The following SCN3B variants were observed in gnomAD, a reference collection of about 807,000 sequenced individuals.
SCN3B encodes sodium voltage-gated channel beta subunit 3.
A neutral mutation model predicts 25.4 loss-of-function variants in SCN3B; 11 were observed. The ratio of observed to expected loss-of-function variants is 0.43; its 90% CI spans 0.27 to 0.72. The LOEUF is 0.72. Among genes scored for constraint, SCN3B ranks in the 30% least tolerant of loss-of-function variants. SCN3B has a pLI of 0.18. For synonymous variants in SCN3B, 109 were observed against 110.7 expected (o/e 0.99, Z 0.09); for missense variants, 218 against 278.3 (o/e 0.78, Z 1.54).
At chr11:123,646,671 T>C (rs923894790) in intron 2 of SCN3B, among the ~76,000 whole-genome samples, 2 of 152,176 alleles carry the variant, frequency 1.3e-5, no homozygotes, top group Non-Finnish European at 2.9e-5. Context: ...TCTAGAAACT[T>C]GAAGTCTGTT....
chr11:123,634,714 G>A (rs1168038407), intron 5 of SCN3B, among the ~76,000 whole-genome samples: 2 of 152,196 alleles, frequency 1.3e-5, no homozygotes, highest in Non-Finnish European at 2.9e-5. Flanking sequence ...CCTGGCAACA[G>A]TGAGACCATG....
chr11:123,636,944 G>T (rs1246992598), intron 5 of SCN3B, among the ~76,000 whole-genome samples: 1 of 152,026 alleles, frequency 6.6e-6, no homozygotes, highest in African/African-American at 2.4e-5. Context: ...TGCCTGCCTC[G>T]ACCTCCCAAA....
At chr11:123,639,867 C>T (rs1173177489) in intron 4 of SCN3B, 1 of 152,174 alleles carries the variant, frequency 6.6e-6, no homozygotes, top group Non-Finnish European at 1.5e-5. Flanking sequence ...TTATTTGTTT[C>T]ATGATCAACA....
At chr11:123,646,328 G>A (rs577960887) in intron 2 of SCN3B, among the ~76,000 whole-genome samples, 14 of 152,336 alleles carry the variant, frequency 9.2e-5, no homozygotes, top group Admixed American at 2.0e-4. Flanking sequence ...TTGGCCTGGG[G>A]AGAAAGGAAG....
chr11:123,642,697 T>C lies in SCN3B; in HGVS notation c.220-26A>G. On this transcript the variant is annotated intron_variant, in intron 3 of 6. Coordinates refer to ENST00000299333, the MANE Select transcript of SCN3B (RefSeq NM_001040151.2). The surrounding 1 kb of genome is among the most constrained non-coding windows in gnomAD (Gnocchi z 4.3). The stretch of plus-strand genomic sequence containing the variant: ...CTGCAGATAGAGGAGCAGAAGAGGG[T>C]AGGGCCAGGAAAGGAGATGGCAGTG... 6.3e-7 allele frequency: 1 copy of C among 1,589,060 alleles called. No homozygotes were observed. Among genetic ancestry groups the C allele is most frequent in the South Asian group, 1.1e-5 (1 of 90,470 alleles).
intron 3 of SCN3B, 109 bp downstream of exon 3, chr11:123,645,478 A>G: frequency 8.9e-7 from 1 of 1,120,622 alleles, no homozygotes; most frequent in Non-Finnish European, 1.4e-6. Context: ...AGTGTTTGGA[A>G]GAGAAGGAGC....
rs1184282307 is a variant in SCN3B, at chr11:123,630,294, A to C, written c.*3505T>G. The C allele has an allele frequency of 6.5e-6, 1 of 152,748 alleles. No homozygotes were observed. Among genetic ancestry groups the C allele is most frequent in the East Asian group, 1.9e-4 (1 of 5,194 alleles). The allele number at this position is 152,748 out of a possible 1,614,324, so 9.5% of individuals were successfully genotyped here. A position where few individuals can be genotyped will look rare whatever the true frequency, so the allele number is the denominator to read the frequency against. On this transcript the variant is annotated 3_prime_UTR_variant, in exon 7 of 7. Coordinates refer to ENST00000299333, the MANE Select transcript of SCN3B (RefSeq NM_001040151.2). The stretch of plus-strand genomic sequence containing the variant: ...AGGTGACAGTGAAGGTCAGCAGGGC[A>C]AGGTGCTCTCAGGGCCAACTGGATT...
intron 5 of SCN3B, among the ~76,000 whole-genome samples, chr11:123,637,485 A>G (rs1202017017): frequency 1.3e-5 from 2 of 152,146 alleles, no homozygotes; most frequent in African/African-American, 4.8e-5. Flanking sequence ...TGGCATTTAC[A>G]GAACGGTTAT....
chr11:123,634,176 G>A lies in SCN3B; in HGVS notation c.615C>T (p.Asn205=). 5 of 1,613,816 alleles carry A rather than the reference G, an allele frequency of 3.1e-6. No homozygotes were observed. The highest frequency in any genetic ancestry group is 3.4e-6 in the Non-Finnish European group (4 of 1,179,874). The change falls in exon 6 of 7, where the codon AAC becomes AAT. Residue 205 remains asparagine (N), a synonymous_variant. Transcript: ENST00000299333. ...CCACTGGTACCGCAGAGTTCTCCTTGTTCTCAGATGGGATGGCAAGGTAGT... is the reference window on the plus strand; with the variant it reads ...CCACTGGTACCGCAGAGTTCTCCTTATTCTCAGATGGGATGGCAAGGTAGT... ...ASDYLAIPSE[N]KENSAVPVEE is the part of the protein sequence containing the mutation.
intron 4 of SCN3B, chr11:123,639,286 T>A (rs74421140): frequency 6.6e-6 from 1 of 152,340 alleles, no homozygotes; most frequent in Non-Finnish European, 1.5e-5. Flanking sequence ...AGTCTCGCAG[T>A]AGTTCTAGAT....
chr11:123,644,801 AT>A (rs1180461293), intron 3 of SCN3B, among the ~76,000 whole-genome samples: 347 of 22,862 alleles, frequency 0.015, no homozygotes, highest in East Asian at 0.024. Context: ...GAGAGAGAGA[AT>A]ATATATATAT....
At position 123,629,406 on chromosome 11, in the gene SCN3B, C is replaced by T. The variant is rs924061178; in HGVS notation, c.*4393G>A. ...AGGCAGCTCTTGCCAAGCCGTGACG[C>T]AGGGAGGAAGCACAGAGCATTGCTG... On this transcript the variant is annotated 3_prime_UTR_variant, in exon 7 of 7. Coordinates refer to ENST00000299333, the MANE Select transcript of SCN3B (RefSeq NM_001040151.2). The T allele has an allele frequency of 1.3e-5, 2 of 152,214 alleles. No homozygotes were observed. Among genetic ancestry groups the T allele is most frequent in the East Asian group, 1.9e-4 (1 of 5,200 alleles). 9.4% of individuals were successfully genotyped at this position (152,214 alleles called of 1,614,324 possible). A position where few individuals can be genotyped will look rare whatever the true frequency, so the allele number is the denominator to read the frequency against.
rs1426877088 is a variant in SCN3B, at chr11:123,632,885, C to G, written c.*914G>C. On this transcript the variant is annotated 3_prime_UTR_variant, in exon 7 of 7. Transcript: ENST00000299333. Reference sequence around the variant, plus strand: ...GCTTATTTCTGCTCCAGTTTATCCTCTTAAGCCTCTTATTCAGTTGAGCCC... The same window carrying G: ...GCTTATTTCTGCTCCAGTTTATCCTGTTAAGCCTCTTATTCAGTTGAGCCC... The G allele has an allele frequency of 6.6e-6, 1 of 152,226 alleles. No individual in the cohort carries two copies. Among genetic ancestry groups the G allele is most frequent in the African/African-American group, 2.4e-5 (1 of 41,454 alleles). 9.4% of individuals were successfully genotyped at this position (152,226 alleles called of 1,614,324 possible).
intron 3 of SCN3B, among the ~76,000 whole-genome samples, chr11:123,643,976 G>A (rs781315208): frequency 6.6e-6 from 1 of 152,188 alleles, no homozygotes; most frequent in Non-Finnish European, 1.5e-5. Flanking sequence ...AAATGGGTTC[G>A]GCTTTAGGAT....
At chr11:123,644,481 A>G (rs1473049653) in intron 3 of SCN3B, among the ~76,000 whole-genome samples, 2 of 152,212 alleles carry the variant, frequency 1.3e-5, no homozygotes, top group African/African-American at 4.8e-5. Context: ...TTCAAAATAT[A>G]TGACAGCCGA....
At position 123,649,185 on chromosome 11, in the gene SCN3B, C is replaced by T. The variant is rs183158428; in HGVS notation, c.56-3435G>A. 4.3e-3 allele frequency among the ~76,000 whole-genome samples: 659 copies of T among 152,300 alleles called. 3 individuals are homozygous for T. The highest frequency in any genetic ancestry group is 6.7e-3 in the Non-Finnish European group (455 of 68,022). On this transcript the variant is annotated intron_variant, in intron 2 of 6. Transcript: ENST00000299333. ...GCAAGAAAATGATTTGCTGGATTAA[C>T]ATCTTTGAAAAGGTGAGAGGTGATG...
chr11:123,636,530 C>A (rs748735675), intron 5 of SCN3B, among the ~76,000 whole-genome samples: 1 of 152,110 alleles, frequency 6.6e-6, no homozygotes, highest in Non-Finnish European at 1.5e-5. Context: ...GCTGTAGGGT[C>A]TCTTAGTAGC....
Position 123,642,306 on chromosome 11 carries a change from G to T in SCN3B, c.445+140C>A. 1.2e-6 allele frequency: 1 copy of T among 804,948 alleles called. No homozygotes were observed. Among genetic ancestry groups the T allele is most frequent in the Non-Finnish European group, 2.1e-6 (1 of 475,274 alleles). The allele number at this position is 804,948 out of a possible 1,614,324, so 49.9% of individuals were successfully genotyped here. On this transcript the variant is annotated intron_variant, in intron 4 of 6. Transcript: ENST00000299333. This position sits in a 1 kb window ranked among gnomAD's most constrained non-coding sequence, Gnocchi z 4.3. ...GGCCACCAGAAGAAGATGGGTCAAT[G>T]GTGACATTTTTAGATGTCACCATTC...
chr11:123,640,631 G>C (rs1312922088), intron 4 of SCN3B: 1 of 152,210 alleles, frequency 6.6e-6, no homozygotes, highest in Non-Finnish European at 1.5e-5. Context: ...CTTCCAGCGC[G>C]AATTTGCTGC....
Sources: allele counts gnomAD v4.1 joint callset (sites outside exome capture counted in the v4.1 genomes callset), GRCh38; gene constraint gnomAD v4.1.1; non-coding constraint Gnocchi (gnomAD v3.1); transcripts MANE v1.5; gene names NCBI Gene and HGNC (gene_info 2026-07-23, HGNC 2026-07-21).